The following PCDH9 variants were observed in gnomAD, a reference collection of about 807,000 sequenced individuals.
PCDH9 encodes protocadherin 9, also known as protocadherin-9.
In PCDH9, 24 loss-of-function variants were observed where a neutral mutation model predicts 70.6. That is an observed-to-expected ratio of 0.34 (90% CI 0.25 to 0.48). The LOEUF is 0.48. PCDH9 is among the 20% of genes least tolerant of loss of function. PCDH9 has a pLI of 0.99. For synonymous variants in PCDH9, 562 were observed against 558.5 expected (o/e 1.01, Z -0.09); for missense variants, 1,281 against 1,503.6 (o/e 0.85, Z 2.45).
intron 2 of PCDH9, among the ~76,000 whole-genome samples, chr13:67,012,504 G>A (rs1373880274): frequency 6.6e-6 from 1 of 151,882 alleles, no homozygotes; most frequent in Non-Finnish European, 1.5e-5. Flanking sequence ...AATAAATGGT[G>A]GGACCTCAAG....
chr13:66,712,052 C>T (rs1014188393), intron 3 of PCDH9, among the ~76,000 whole-genome samples: 2 of 152,120 alleles, frequency 1.3e-5, no homozygotes, highest in African/African-American at 2.4e-5. Flanking sequence ...ACTGCTAAAG[C>T]TCTTACTTGT....
chr13:66,597,905 A>T (rs1431348177), intron 4 of PCDH9, among the ~76,000 whole-genome samples: 3 of 151,736 alleles, frequency 2.0e-5, no homozygotes. Context: ...AATGGGAAAA[A>T]GTCTTGAATA....
chr13:67,224,752 G>A (rs370675395), intron 2 of PCDH9: 10 of 658,392 alleles, frequency 1.5e-5, no homozygotes, highest in African/African-American at 1.3e-4. Context: ...TTTTTTGAAA[G>A]AGTATTTGGC....
intron 4 of PCDH9, among the ~76,000 whole-genome samples, chr13:66,416,944 A>G (rs1256708493): frequency 6.6e-6 from 1 of 152,204 alleles, no homozygotes; most frequent in African/African-American, 2.4e-5. Flanking sequence ...AAATGTTATC[A>G]AATATTTTAA....
chr13:67,150,119 T>C, intron 2 of PCDH9, among the ~76,000 whole-genome samples: 1 of 152,224 alleles, frequency 6.6e-6, no homozygotes, highest in Non-Finnish European at 1.5e-5. Flanking sequence ...GTGCAACATC[T>C]GCCTCCCAGG....
chr13:67,172,456 G>A (rs1036400264), intron 2 of PCDH9, among the ~76,000 whole-genome samples: 3 of 152,130 alleles, frequency 2.0e-5, no homozygotes, highest in Admixed American at 6.6e-5. Context: ...GATGAAGAAT[G>A]GTAACAGAGA....
intron 2 of PCDH9, among the ~76,000 whole-genome samples, chr13:67,146,613 G>T (rs532100289): frequency 1.4e-4 from 21 of 151,998 alleles, no homozygotes; most frequent in Admixed American, 1.3e-3. Flanking sequence ...ATGGAACATC[G>T]GAAACCAGCA....
intron 3 of PCDH9, among the ~76,000 whole-genome samples, chr13:66,665,549 G>C (rs1291208834): frequency 6.6e-6 from 1 of 152,082 alleles, no homozygotes; most frequent in African/African-American, 2.4e-5. Context: ...ATTCTGCCTG[G>C]ACCAGGAAGA....
intron 3 of PCDH9, among the ~76,000 whole-genome samples, chr13:66,830,622 T>C (rs2080908955): frequency 6.6e-6 from 1 of 152,218 alleles, no homozygotes; most frequent in Admixed American, 6.5e-5. Flanking sequence ...TGTTACCTAA[T>C]TGTAGCTGTC....
At chr13:67,078,083 TGAG>T (rs1330178976) in intron 2 of PCDH9, among the ~76,000 whole-genome samples, 1 of 152,112 alleles carries the variant, frequency 6.6e-6, no homozygotes, top group Non-Finnish European at 1.5e-5. Flanking sequence ...TGCAGATGGC[TGAG>T]GTGTCCATGG....
At chr13:66,748,040 T>G (rs1462050231) in intron 3 of PCDH9, among the ~76,000 whole-genome samples, 1 of 152,166 alleles carries the variant, frequency 6.6e-6, no homozygotes. Context: ...TCATTAGACC[T>G]TCATATTTTG....
intron 4 of PCDH9, among the ~76,000 whole-genome samples, chr13:66,400,209 C>A (rs910537945): frequency 6.6e-6 from 1 of 152,124 alleles, no homozygotes; most frequent in Non-Finnish European, 1.5e-5. Flanking sequence ...TGGCATGAAA[C>A]CTATCTACCT....
At chr13:66,425,866 G>A (rs922182622) in intron 4 of PCDH9, among the ~76,000 whole-genome samples, 9 of 151,686 alleles carry the variant, frequency 5.9e-5, no homozygotes, top group Admixed American at 2.0e-4. Flanking sequence ...AGTCTAGTAA[G>A]TGTGCTATCT....
intron 2 of PCDH9, among the ~76,000 whole-genome samples, chr13:67,063,168 G>C (rs932981154): frequency 5.9e-5 from 9 of 152,108 alleles, no homozygotes; most frequent in African/African-American, 2.2e-4. Flanking sequence ...TTAGCTGATG[G>C]AGCAAGTACT....
intron 3 of PCDH9, among the ~76,000 whole-genome samples, chr13:66,850,047 T>C (rs931900147): frequency 3.9e-5 from 6 of 152,142 alleles, no homozygotes; most frequent in African/African-American, 1.2e-4. Context: ...CAATTTCCTT[T>C]TTAGTGGCAC....
chr13:66,430,342 T>C (rs767490705), intron 4 of PCDH9, among the ~76,000 whole-genome samples: 5 of 152,026 alleles, frequency 3.3e-5, no homozygotes, highest in Admixed American at 2.0e-4. Flanking sequence ...ATAAATACAA[T>C]AAATTTTGCT....
chr13:66,396,934 A>G (rs1417575697), intron 4 of PCDH9, among the ~76,000 whole-genome samples: 1 of 152,152 alleles, frequency 6.6e-6, no homozygotes, highest in South Asian at 2.1e-4. Context: ...CATTTGGATC[A>G]ATAATTCCAA....
chr13:66,401,366 C>T (rs1957184101), intron 4 of PCDH9, among the ~76,000 whole-genome samples: 1 of 151,782 alleles, frequency 6.6e-6, no homozygotes, highest in South Asian at 2.1e-4. Context: ...TTTTTCCCCC[C>T]CTTTGCTCAT....
chr13:66,897,520 T>C (rs1185724122), intron 3 of PCDH9, among the ~76,000 whole-genome samples: 1 of 152,110 alleles, frequency 6.6e-6, no homozygotes, highest in African/African-American at 2.4e-5. Flanking sequence ...AGAGGGTTGA[T>C]CAAATATGCC....
Sources: gnomAD v4.1 joint callset for allele counts (sites outside exome capture counted in the v4.1 genomes callset) on GRCh38, gnomAD v4.1.1 for gene constraint, MANE v1.5 for transcripts, NCBI Gene and HGNC (gene_info 2026-07-23, HGNC 2026-07-21) for gene names.